The following HSF2BP variants were observed in gnomAD, a reference collection of about 807,000 sequenced individuals.
HSF2BP encodes the protein heat shock factor 2-binding protein.
A neutral mutation model predicts 35.0 loss-of-function variants in HSF2BP; 35 were observed. The observed-to-expected ratio is 1.00, with a 90% CI of 0.76 to 1.32. HSF2BP has a LOEUF of 1.32. Ranked by LOEUF, HSF2BP falls within the 40% of genes most tolerant of loss-of-function variation. The pLI, the probability that HSF2BP is intolerant of heterozygous loss-of-function variation, is 0.00. For synonymous variants in HSF2BP, 114 were observed against 117.4 expected (o/e 0.97, Z 0.18); for missense variants, 326 against 321.7 (o/e 1.01, Z -0.10).
In HSF2BP at chr21:43,659,059, A is replaced by C. The variant is rs1191380892; in HGVS notation, c.-225+327T>G. ...AAGCCTGTAATCCCAGCGATCAGGG[A>C]GGCCGCCGCGGGAGGATTGCTTGAG... is the stretch of plus-strand genomic sequence containing the variant. On this transcript the variant is annotated intron_variant, in intron 1 of 8. Transcript: ENST00000291560. This position sits in a 1 kb window ranked among gnomAD's most constrained non-coding sequence, Gnocchi z 4.2. Among the ~76,000 whole-genome samples, 1 of 152,176 alleles carries C rather than the reference A, an allele frequency of 6.6e-6. No homozygotes were observed. Among genetic ancestry groups the C allele is most frequent in the Non-Finnish European group, 1.5e-5 (1 of 68,016 alleles).
intron 6 of HSF2BP, among the ~76,000 whole-genome samples, chr21:43,620,979 G>C (rs943048519): frequency 3.3e-5 from 5 of 152,180 alleles, no homozygotes; most frequent in African/African-American, 1.2e-4. Context: ...GTTCAACAAG[G>C]TGATGAGCAA....
chr21:43,594,313 G>A (rs1022280779), intron 7 of HSF2BP, among the ~76,000 whole-genome samples: 2 of 152,184 alleles, frequency 1.3e-5, no homozygotes, highest in African/African-American at 2.4e-5. Flanking sequence ...GTAAAGGGAT[G>A]TGAGTGTACA....
intron 8 of HSF2BP, among the ~76,000 whole-genome samples, chr21:43,581,175 A>G (rs2081724396): frequency 6.6e-6 from 1 of 152,198 alleles, no homozygotes; most frequent in South Asian, 2.1e-4. Flanking sequence ...TCACGAGGTC[A>G]GGAGATCGAG....
At chr21:43,602,299 A>G (rs1376317885) in intron 7 of HSF2BP, among the ~76,000 whole-genome samples, 4 of 152,232 alleles carry the variant, frequency 2.6e-5, no homozygotes, top group Non-Finnish European at 5.9e-5. Context: ...GAAAAATGCA[A>G]TCTGCACTGT....
chr21:43,586,442 C>T (rs2081852181), intron 8 of HSF2BP, among the ~76,000 whole-genome samples: 1 of 152,060 alleles, frequency 6.6e-6, no homozygotes, highest in South Asian at 2.1e-4. Context: ...GTTTTCATTG[C>T]AGCATGAGAT....
At chr21:43,605,664 A>C (rs1005188841) in intron 7 of HSF2BP, among the ~76,000 whole-genome samples, 3 of 149,898 alleles carry the variant, frequency 2.0e-5, no homozygotes, top group Admixed American at 6.6e-5. Context: ...CCCACACACA[A>C]AATACACACA....
intron 8 of HSF2BP, among the ~76,000 whole-genome samples, chr21:43,581,200 C>T (rs1353745805): frequency 1.3e-5 from 2 of 152,126 alleles, no homozygotes; most frequent in Admixed American, 6.5e-5. Flanking sequence ...TCCTGGCTAA[C>T]ACGGTGAAAC....
intron 8 of HSF2BP, among the ~76,000 whole-genome samples, chr21:43,581,187 C>A (rs2081724842): frequency 6.6e-6 from 1 of 152,112 alleles, no homozygotes; most frequent in South Asian, 2.1e-4. Context: ...GAGATCGAGA[C>A]CATCCTGGCT....
chr21:43,638,627 A>G lies in HSF2BP; in HGVS notation c.292-5206T>C, dbSNP rs564443920. The stretch of plus-strand genomic sequence containing the variant: ...AACACAAATCTAGATGCTGAAAATA[A>G]TTGTAAACTGCTGATGAAAGAAATT... On this transcript the variant is annotated intron_variant, in intron 4 of 8. Transcript: ENST00000291560. Among the ~76,000 whole-genome samples the G allele has an allele frequency of 2.0e-5, 3 of 152,376 alleles. No individual in the cohort carries two copies. The South Asian group carries it at 6.2e-4, about 32-fold the overall frequency.
At chr21:43,657,986 A>T in intron 2 of HSF2BP, 75 bp downstream of exon 2, 2 of 1,530,766 alleles carry the variant, frequency 1.3e-6, no homozygotes, top group Non-Finnish European at 1.7e-6. Context: ...CTCCGAGCGC[A>T]CGGGGCGAGG....
chr21:43,612,418 A>G (rs996137749), intron 7 of HSF2BP, among the ~76,000 whole-genome samples: 8 of 152,118 alleles, frequency 5.3e-5, no homozygotes, highest in Admixed American at 1.3e-4. Context: ...TTGGGAGGCC[A>G]AGGCGGGTGG....
intron 7 of HSF2BP, among the ~76,000 whole-genome samples, chr21:43,606,098 G>A (rs2082132033): frequency 6.6e-6 from 1 of 151,442 alleles, no homozygotes; most frequent in Admixed American, 6.6e-5. Context: ...AGGAAGTAAA[G>A]CCGCCTGCCG....
intron 7 of HSF2BP, among the ~76,000 whole-genome samples, chr21:43,605,856 C>T (rs1418555162): frequency 6.6e-6 from 1 of 151,704 alleles, no homozygotes; most frequent in East Asian, 1.9e-4. Flanking sequence ...CATACACATA[C>T]ACCACACCCA....
chr21:43,583,679 TGA>T (rs1269139202), intron 8 of HSF2BP, among the ~76,000 whole-genome samples: 2 of 125,848 alleles, frequency 1.6e-5, no homozygotes, highest in Non-Finnish European at 3.3e-5. Flanking sequence ...GAGGACCTGC[TGA>T]GAGAGATGAA....
intron 7 of HSF2BP, among the ~76,000 whole-genome samples, chr21:43,602,170 A>G (rs1344299107): frequency 1.3e-5 from 2 of 152,218 alleles, no homozygotes; most frequent in Non-Finnish European, 2.9e-5. Context: ...GAGAGAGACA[A>G]ACAAAGCAAC....
intron 6 of HSF2BP, 131 bp from the exon 7 acceptor site, chr21:43,614,078 A>T: frequency 1.4e-6 from 1 of 695,468 alleles, no homozygotes; most frequent in South Asian, 1.7e-5. Flanking sequence ...TTTATAAATG[A>T]AATTGCTAGG....
At chr21:43,649,953 C>T (rs1254025446) in intron 3 of HSF2BP, among the ~76,000 whole-genome samples, 2 of 152,138 alleles carry the variant, frequency 1.3e-5, no homozygotes, top group African/African-American at 4.8e-5. Flanking sequence ...ACTTCAAAAC[C>T]ACCATCTGCA....
the HSF2BP span, among the ~76,000 whole-genome samples, chr21:43,463,766 ACT>A: frequency 1.4e-5 from 1 of 70,036 alleles, no homozygotes; most frequent in Non-Finnish European, 2.7e-5. Context: ...ACAAATCGCC[ACT>A]CTGTGTGGAG....
At chr21:43,657,841 T>G in intron 2 of HSF2BP, 1 of 985,400 alleles carries the variant, frequency 1.0e-6, no homozygotes, top group Non-Finnish European at 1.2e-6. Context: ...ACGCGCAGCC[T>G]CACAGACCGG....
Sources: allele counts gnomAD v4.1 joint callset (sites outside exome capture counted in the v4.1 genomes callset), GRCh38; gene constraint gnomAD v4.1.1; non-coding constraint Gnocchi (gnomAD v3.1); transcripts MANE v1.5; gene names NCBI Gene and HGNC (gene_info 2026-07-23, HGNC 2026-07-21).